CRYL1: variants seen among roughly 807,000 people sequenced by gnomAD.
CRYL1 encodes the protein crystallin lambda 1.
CRYL1 carries 29 observed loss-of-function variants against 36.6 expected under a neutral mutation model. The observed-to-expected ratio is 0.79, with a 90% CI of 0.59 to 1.08. The LOEUF (loss-of-function observed/expected upper bound fraction) is 1.08. CRYL1 is among the 50% of genes least tolerant of loss of function. The pLI is 0.00. For synonymous variants in CRYL1, 152 were observed against 151.5 expected (o/e 1.00, Z -0.02); for missense variants, 411 against 407.9 (o/e 1.01, Z -0.06).
At chr13:20,416,354 G>C (rs545670119) in intron 5 of CRYL1, among the ~76,000 whole-genome samples, 9 of 152,146 alleles carry the variant, frequency 5.9e-5, no homozygotes, top group Non-Finnish European at 1.3e-4. Flanking sequence ...ATCTACCTAA[G>C]GCCCACAGAA....
In CRYL1 at chr13:20,404,020, T is replaced by G; in HGVS notation, c.*109A>C. On this transcript the variant is annotated 3_prime_UTR_variant, in exon 8 of 8. Coordinates refer to ENST00000298248, the MANE Select transcript of CRYL1 (RefSeq NM_015974.3). ...TCAGGCTGCACACAAGACAGCCAGCTTAGGATCTCCGTGGGCTGCTACCTA... is the reference window on the plus strand; with the variant it reads ...TCAGGCTGCACACAAGACAGCCAGCGTAGGATCTCCGTGGGCTGCTACCTA... 1 of 756,380 alleles carries G rather than the reference T, an allele frequency of 1.3e-6. No homozygotes were observed. The highest frequency in any genetic ancestry group is 2.5e-5 in the East Asian group (1 of 39,330). The allele number at this position is 756,380 out of a possible 1,614,324, so 46.9% of individuals were successfully genotyped here.
intron 2 of CRYL1, among the ~76,000 whole-genome samples, chr13:20,505,092 A>G (rs1426543145): frequency 2.6e-5 from 4 of 152,156 alleles, no homozygotes; most frequent in Non-Finnish European, 4.4e-5. Flanking sequence ...ACAGTGGCTC[A>G]CGCCTGTAAT....
chr13:20,498,301 C>T (rs1478832833), intron 2 of CRYL1, among the ~76,000 whole-genome samples: 2 of 151,982 alleles, frequency 1.3e-5, no homozygotes, highest in Non-Finnish European at 2.9e-5. Context: ...ATACACACTA[C>T]ACACACTCCA....
rs1314608130 is a variant in CRYL1, at chr13:20,481,195, G to GT, written c.276+8174dup. Among the ~76,000 whole-genome samples the GT allele has an allele frequency of 6.6e-6, 1 of 152,236 alleles. No homozygotes were observed. Among genetic ancestry groups the GT allele is most frequent in the East Asian group, 1.9e-4 (1 of 5,204 alleles). On this transcript the variant is annotated intron_variant, in intron 3 of 7. Transcript: ENST00000298248. This position sits in a 1 kb window ranked among gnomAD's most constrained non-coding sequence, Gnocchi z 4.1. ...CGTGCTTCCAGATGATCTCGTGAGT[G>GT]TGTGAGGTGGGCTTGCCCCAGTCCA...
intron 3 of CRYL1, among the ~76,000 whole-genome samples, chr13:20,465,817 A>G (rs9315604): frequency 0.96 from 146,317 of 152,224 alleles, 70,572 homozygotes; most frequent in East Asian, 1. Flanking sequence ...GTGATCCCCA[A>G]TGTTGGATGT....
Position 20,439,617 on chromosome 13 carries a change from C to T in CRYL1, c.414G>A (p.Val138=). The T allele has an allele frequency of 2.5e-6, 4 of 1,607,456 alleles. No homozygotes were observed. The highest frequency in any genetic ancestry group is 3.4e-6 in the Non-Finnish European group (4 of 1,176,406). Residue 138 remains valine (V), a synonymous_variant, in exon 4 of 8, where the codon GTG becomes GTA. Coordinates refer to ENST00000298248, the MANE Select transcript of CRYL1 (RefSeq NM_015974.3). ...PSKLFAGLVH[V]KQCIVAHPVN... is the part of the protein sequence containing the mutation. ...CAGGATGAGCCACGATGCATTGCTT[C>T]ACATGGACCAAGCCAGCAAACAACT...
At chr13:20,484,514 A>T (rs753425207) in intron 3 of CRYL1, among the ~76,000 whole-genome samples, 1 of 152,200 alleles carries the variant, frequency 6.6e-6, no homozygotes, top group Non-Finnish European at 1.5e-5. Flanking sequence ...TCTACTAAAA[A>T]TACAAAAATC....
rs2032204153 is a variant in CRYL1, at chr13:20,435,929, C to A, written c.439-3633G>T. Among the ~76,000 whole-genome samples, 2 of 152,208 alleles carry A rather than the reference C, an allele frequency of 1.3e-5. No individual in the cohort carries two copies. Among genetic ancestry groups the A allele is most frequent in the African/African-American group, 4.8e-5 (2 of 41,468 alleles). On this transcript the variant is annotated intron_variant, in intron 4 of 7. Coordinates refer to ENST00000298248, the MANE Select transcript of CRYL1 (RefSeq NM_015974.3). The surrounding 1 kb of genome is among the most constrained non-coding windows in gnomAD (Gnocchi z 4.0). ...GTTCGATGCTTCATGGGTAGCCCAT[C>A]CTCTCGGCGGCGCGCTCGCAGGGAG...
chr13:20,517,849 T>G (rs2034028871), intron 1 of CRYL1, among the ~76,000 whole-genome samples: 1 of 138,656 alleles, frequency 7.2e-6, no homozygotes, highest in Admixed American at 8.1e-5. Flanking sequence ...GGCAGGAGAA[T>G]GGCGTGAACC....
chr13:20,431,873 T>C, intron 5 of CRYL1: 9 of 1,479,202 alleles, frequency 6.1e-6, no homozygotes, highest in Non-Finnish European at 8.1e-6. Flanking sequence ...TGGTATCAGG[T>C]GACTGTAAGA....
At chr13:20,518,362 G>A (rs1168024533) in intron 1 of CRYL1, among the ~76,000 whole-genome samples, 1 of 152,174 alleles carries the variant, frequency 6.6e-6, no homozygotes, top group Non-Finnish European at 1.5e-5. Context: ...TTTTAGCAAC[G>A]GAGGTAAGGG....
In CRYL1 at chr13:20,489,467, C is replaced by A. The variant is rs988795338; in HGVS notation, c.179G>T (p.Gly60Val). The A allele has an allele frequency of 1.9e-6, 3 of 1,613,336 alleles. No homozygotes were observed. Among genetic ancestry groups the A allele is most frequent in the Non-Finnish European group, 2.5e-6 (3 of 1,180,006 alleles). Residue 60 changes from glycine to valine, a missense_variant, in exon 3 of 8, where the codon GGT (glycine) becomes GTT (valine). By Grantham distance (109) the Gly-to-Val change is moderately radical (BLOSUM62 -3). Transcript: ENST00000298248. ...RKEMKLLEQA[G>V]SLKGSLSVEE... ...CACACTCAGGGAGCCTTTCAGAGAACCTGCCTGCTCCAGCAACTTCATCTC... is the reference window on the plus strand; with the variant it reads ...CACACTCAGGGAGCCTTTCAGAGAAACTGCCTGCTCCAGCAACTTCATCTC...
At chr13:20,404,597 C>A (rs1447923327) in intron 7 of CRYL1, 38 bp downstream of exon 7, 1 of 1,390,876 alleles carries the variant, frequency 7.2e-7, no homozygotes, top group South Asian at 1.2e-5. Flanking sequence ...AGGTAGCCAA[C>A]ATGCTTCTCT....
chr13:20,413,356 A>T lies in CRYL1; in HGVS notation c.665T>A (p.Leu222His). The T allele has an allele frequency of 6.2e-7, 1 of 1,613,722 alleles. No homozygotes were observed. The highest frequency in any genetic ancestry group is 8.5e-7 in the Non-Finnish European group (1 of 1,179,750). Residue 222 changes from leucine to histidine, a missense_variant, in exon 6 of 8, where the codon CTT becomes CAT. Coordinates refer to ENST00000298248, the MANE Select transcript of CRYL1 (RefSeq NM_015974.3). Reference protein sequence around the residue: ...EGIVSPSDLDLVMSEGLGMRY... With the variant: ...EGIVSPSDLDHVMSEGLGMRY... ...CATGCCCAACCCTTCTGACATGACA[A>T]GGTCCAGGTCACTAGGAGACACGAT...
At chr13:20,502,995 A>G (rs7139872) in intron 2 of CRYL1, among the ~76,000 whole-genome samples, 130,928 of 150,636 alleles carry the variant, frequency 0.87, 59,467 homozygotes, top group East Asian at 1. Context: ...TGCCGGAAGC[A>G]CGCAGGATCA....
intron 2 of CRYL1, among the ~76,000 whole-genome samples, chr13:20,507,488 G>A (rs868018105): frequency 1.3e-5 from 2 of 152,192 alleles, no homozygotes; most frequent in Non-Finnish European, 2.9e-5. Flanking sequence ...CTTAAAGCAT[G>A]ACCTAATCAG....
chr13:20,490,506 A>G (rs1299104631), intron 2 of CRYL1, among the ~76,000 whole-genome samples: 3 of 152,208 alleles, frequency 2.0e-5, no homozygotes, highest in African/African-American at 7.2e-5. Context: ...GAAGATGAAA[A>G]CATGCTGGAG....
chr13:20,475,400 G>A (rs2033145649), intron 3 of CRYL1, among the ~76,000 whole-genome samples: 2 of 152,140 alleles, frequency 1.3e-5, no homozygotes, highest in African/African-American at 2.4e-5. Context: ...TGTTTATTAA[G>A]TTCCTGCCTC....
intron 3 of CRYL1, among the ~76,000 whole-genome samples, chr13:20,463,091 C>A (rs1397202496): frequency 1.3e-5 from 2 of 152,178 alleles, no homozygotes; most frequent in Non-Finnish European, 2.9e-5. Flanking sequence ...ACCTCCTGAG[C>A]CTCAGTGTGG....
Sources: gnomAD v4.1 joint callset for allele counts (sites outside exome capture counted in the v4.1 genomes callset) on GRCh38, gnomAD v4.1.1 for gene constraint, Gnocchi (gnomAD v3.1) non-coding constraint, MANE v1.5 for transcripts, NCBI Gene and HGNC (gene_info 2026-07-23, HGNC 2026-07-21) for gene names.